The following ATP13A5 variants were observed in gnomAD, a reference collection of about 807,000 sequenced individuals.
ATP13A5 encodes probable cation-transporting ATPase 13A5.
In ATP13A5, 149 loss-of-function variants were observed where a neutral mutation model predicts 150.2. That is an observed-to-expected ratio of 0.99 (90% CI 0.87 to 1.14). The LOEUF (loss-of-function observed/expected upper bound fraction) is 1.14, where lower values mean the gene tolerates loss of function less well. Ranked by LOEUF, ATP13A5 falls within the 50% of genes most tolerant of loss-of-function variation. ATP13A5 has a pLI of 0.00. For missense variants in ATP13A5, 1,383 were observed against 1,449.3 expected, an observed-to-expected ratio of 0.95 and a Z score of 0.74; for synonymous variants, 497 against 522.2, an observed-to-expected ratio of 0.95 and a Z score of 0.66.
intron 8 of ATP13A5, among the ~76,000 whole-genome samples, chr3:193,344,556 A>T (rs1200983247): frequency 6.6e-6 from 1 of 152,202 alleles, no homozygotes; most frequent in Non-Finnish European, 1.5e-5. Flanking sequence ...AGCCCCATTC[A>T]GGCCCAGGTT....
At chr3:193,369,692 G>T (rs897410308) in intron 1 of ATP13A5, among the ~76,000 whole-genome samples, 2 of 152,156 alleles carry the variant, frequency 1.3e-5, no homozygotes, top group Non-Finnish European at 2.9e-5. Flanking sequence ...GAAATGGGAT[G>T]AAAGTGTCTG....
chr3:193,285,599 C>G (rs544476955), intron 26 of ATP13A5, among the ~76,000 whole-genome samples: 1 of 152,134 alleles, frequency 6.6e-6, no homozygotes, highest in Non-Finnish European at 1.5e-5. Flanking sequence ...TAAGCTCAAA[C>G]TTCTCCAACT....
At chr3:193,301,960 T>A (rs531510539) in intron 23 of ATP13A5, among the ~76,000 whole-genome samples, 8 of 152,210 alleles carry the variant, frequency 5.3e-5, no homozygotes, top group African/African-American at 1.2e-4. Context: ...TTTAAAAAAA[T>A]TCGGTCTTAG....
intron 1 of ATP13A5, among the ~76,000 whole-genome samples, chr3:193,372,941 A>G (rs1312621330): frequency 6.6e-6 from 1 of 152,158 alleles, no homozygotes; most frequent in African/African-American, 2.4e-5. Flanking sequence ...ACCTCATTCA[A>G]CCTGATAATA....
chr3:193,315,142 C>A (rs762504068), intron 17 of ATP13A5, 46 bp from the exon 18 acceptor site: 1 of 1,536,278 alleles, frequency 6.5e-7, no homozygotes, highest in Non-Finnish European at 8.8e-7. Context: ...TCTACGTAGG[C>A]TCCATAGTTC....
chr3:193,327,403 T>C (rs942468728), intron 12 of ATP13A5, among the ~76,000 whole-genome samples: 1 of 152,230 alleles, frequency 6.6e-6, no homozygotes, highest in Non-Finnish European at 1.5e-5. Flanking sequence ...TGACTTTTAG[T>C]TGTCACCTGC....
At chr3:193,359,348 AAG>A in intron 5 of ATP13A5, among the ~76,000 whole-genome samples, 1 of 152,096 alleles carries the variant, frequency 6.6e-6, no homozygotes, top group East Asian at 1.9e-4. Context: ...ACTGAGGAGT[AAG>A]AGAGTAGGGT....
intron 12 of ATP13A5, among the ~76,000 whole-genome samples, chr3:193,329,906 T>C (rs1202892072): frequency 1.3e-5 from 2 of 152,156 alleles, no homozygotes; most frequent in African/African-American, 4.8e-5. Flanking sequence ...CCTGGTGGGA[T>C]AGAAAACACC....
intron 13 of ATP13A5, 127 bp from the exon 14 acceptor site, chr3:193,325,141 G>T: frequency 1.1e-6 from 1 of 890,404 alleles, no homozygotes; most frequent in Non-Finnish European, 1.7e-6. Flanking sequence ...GGCTCCCTAT[G>T]CTCCAAATGA....
In ATP13A5 at chr3:193,344,205, C is replaced by T. The variant is rs1029269573; in HGVS notation, c.815-150G>A. On this transcript the variant is annotated intron_variant, in intron 8 of 29. Coordinates refer to ENST00000342358, the MANE Select transcript of ATP13A5 (RefSeq NM_198505.4). ...CCCCTTTTTAGTCAATTGAAAATTC[C>T]GAAAGAATCAGGATTAGGAAATTGG... The T allele has an allele frequency of 2.2e-5, 23 of 1,045,080 alleles. No individual in the cohort carries two copies. The East Asian group carries it at 3.3e-4, about 15-fold the overall frequency. 64.7% of individuals were successfully genotyped at this position (1,045,080 alleles called of 1,614,324 possible). A position where few individuals can be genotyped will look rare whatever the true frequency, so the allele number is the denominator to read the frequency against.
At chr3:193,304,983 T>A (rs1009614603) in intron 23 of ATP13A5, among the ~76,000 whole-genome samples, 1 of 150,050 alleles carries the variant, frequency 6.7e-6, no homozygotes. Context: ...CTCACTATCA[T>A]GAGAACAGCA....
intron 9 of ATP13A5, among the ~76,000 whole-genome samples, chr3:193,336,671 A>G (rs1474737067): frequency 6.6e-6 from 1 of 152,150 alleles, no homozygotes; most frequent in African/African-American, 2.4e-5. Flanking sequence ...AGTCTTTGCT[A>G]TTGTGAATAG....
intron 23 of ATP13A5, among the ~76,000 whole-genome samples, chr3:193,305,236 A>ATTTT (rs750702902): frequency 6.6e-6 from 1 of 152,214 alleles, no homozygotes; most frequent in Non-Finnish European, 1.5e-5. Context: ...AATTCCTGAG[A>ATTTT]GAAATGTTAC....
intron 2 of ATP13A5, among the ~76,000 whole-genome samples, chr3:193,363,804 G>T (rs1339101211): frequency 6.6e-6 from 1 of 152,000 alleles, no homozygotes; most frequent in African/African-American, 2.4e-5. Context: ...GTCTCTAAAC[G>T]CTGTAACACT....
intron 27 of ATP13A5, 71 bp from the exon 28 acceptor site, chr3:193,279,525 A>T (rs1302933433): frequency 2.4e-6 from 3 of 1,227,340 alleles, no homozygotes; most frequent in Non-Finnish European, 3.6e-6. Flanking sequence ...ACATTGCAGA[A>T]TCAATTATCT....
intron 12 of ATP13A5, among the ~76,000 whole-genome samples, chr3:193,329,636 G>A (rs974751168): frequency 5.9e-5 from 9 of 152,216 alleles, no homozygotes; most frequent in East Asian, 3.9e-4. Context: ...TAACCTTGTC[G>A]GTTCTTGACT....
At chr3:193,315,233 G>T in intron 17 of ATP13A5, 137 bp from the exon 18 acceptor site, 3 of 912,464 alleles carry the variant, frequency 3.3e-6, no homozygotes, top group East Asian at 2.8e-5. Context: ...GAACTTAAAA[G>T]CTTATAATGA....
chr3:193,325,389 C>G (rs953309395), intron 13 of ATP13A5, among the ~76,000 whole-genome samples: 3 of 152,204 alleles, frequency 2.0e-5, no homozygotes, highest in Non-Finnish European at 4.4e-5. Context: ...ATAAACATTT[C>G]TTTGAGTTGG....
chr3:193,274,968 T>C lies in ATP13A5; in HGVS notation c.*74A>G. 1 of 1,548,712 alleles carries C rather than the reference T, an allele frequency of 6.5e-7. No individual in the cohort carries two copies. The highest frequency in any genetic ancestry group is 8.8e-7 in the Non-Finnish European group (1 of 1,135,830). On this transcript the variant is annotated 3_prime_UTR_variant, in exon 30 of 30. Coordinates refer to ENST00000342358, the MANE Select transcript of ATP13A5 (RefSeq NM_198505.4). ...AGAGAGGAAAGGTAAGGGGAGAGTA[T>C]CATCACTTCTCCACAATGTGTTAAT...
Sources: allele counts gnomAD v4.1 joint callset (sites outside exome capture counted in the v4.1 genomes callset), GRCh38; gene constraint gnomAD v4.1.1; transcripts MANE v1.5; gene names NCBI Gene and HGNC (gene_info 2026-07-23, HGNC 2026-07-21).